PLB1: variants seen among roughly 807,000 people sequenced by gnomAD.
PLB1 encodes phospholipase B1, membrane-associated.
A neutral mutation model predicts 227.4 loss-of-function variants in PLB1; 242 were observed. That is an observed-to-expected ratio of 1.06 (90% confidence interval 0.96 to 1.18). The LOEUF (loss-of-function observed/expected upper bound fraction) is 1.18. PLB1 is among the 50% of genes most tolerant of loss of function. The pLI is 0.00. For missense variants in PLB1, 1,858 were observed against 1,816.3 expected (o/e 1.02, Z -0.42); for synonymous variants, 757 against 682.2 (o/e 1.11, Z -1.71).
At chr2:28,631,986 T>TC in intron 54 of PLB1, 50 bp from the exon 55 acceptor site, 1 of 1,490,994 alleles carries the variant, frequency 6.7e-7, no homozygotes, top group Non-Finnish European at 9.4e-7. Context: ...CTGGACCCTG[T>TC]CTGTGCAGCC....
chr2:28,549,618 C>G (rs1341450495), intron 15 of PLB1, among the ~76,000 whole-genome samples: 2 of 151,912 alleles, frequency 1.3e-5, no homozygotes, highest in Non-Finnish European at 2.9e-5. Flanking sequence ...TCATTTAATG[C>G]TAGTCAAGTA....
Position 28,582,488 on chromosome 2 carries a change from C to A in PLB1, c.1716C>A (p.Cys572Ter). 1 of 1,608,280 alleles carries A rather than the reference C, an allele frequency of 6.2e-7. No individual in the cohort carries two copies. The highest frequency in any genetic ancestry group is 1.7e-5 in the Admixed American group (1 of 59,540). Residue 572 changes from cysteine (C) to a stop codon, truncating the protein, a stop_gained, in exon 25 of 58, where the codon TGC becomes TGA. Transcript: ENST00000327757. LOFTEE classifies it high-confidence loss of function. ...RELYQEKKVY[C>*]PRMILRSLCP... ...TGTACCAGGAGAAAAAAGTCTACTG[C>A]CCAAGGATGATCCTCAGGTCAGACA...
In PLB1 at chr2:28,501,170, C is replaced by T. The variant is rs1013831315; in HGVS notation, c.55+5001C>T. On this transcript the variant is annotated intron_variant, in intron 1 of 57. Coordinates refer to ENST00000327757, the MANE Select transcript of PLB1 (RefSeq NM_153021.5). ...GTTATCTTTAATTTAGGTAGAATTA[C>T]ACTTTTTCATCTCCTTCTTTCATTC... 4.6e-5 allele frequency among the ~76,000 whole-genome samples: 7 copies of T among 152,124 alleles called. No homozygotes were observed. The East Asian group carries it at 5.8e-4, about 13-fold the overall frequency.
chr2:28,507,303 T>C (rs1667742126), intron 1 of PLB1, among the ~76,000 whole-genome samples: 1 of 152,164 alleles, frequency 6.6e-6, no homozygotes, highest in African/African-American at 2.4e-5. Context: ...TCATTTATAA[T>C]GAACAGAAAT....
At chr2:28,514,658 C>T (rs1490875584) in intron 1 of PLB1, among the ~76,000 whole-genome samples, 1 of 152,056 alleles carries the variant, frequency 6.6e-6, no homozygotes, top group East Asian at 1.9e-4. Flanking sequence ...TGAGTAAAAT[C>T]TAAAATATTG....
intron 56 of PLB1, among the ~76,000 whole-genome samples, chr2:28,640,498 C>T (rs1689844377): frequency 6.6e-6 from 1 of 152,232 alleles, no homozygotes; most frequent in Admixed American, 6.5e-5. Flanking sequence ...CTAAGGTTGA[C>T]TAGCCCCATG....
At chr2:28,532,282 C>A in intron 9 of PLB1, 88 bp downstream of exon 9, 1 of 1,071,118 alleles carries the variant, frequency 9.3e-7, no homozygotes, top group Non-Finnish European at 1.4e-6. Flanking sequence ...CAATCCCCAG[C>A]TGTCAGGATG....
chr2:28,633,383 T>C (rs1688915246), intron 56 of PLB1: 1 of 262,750 alleles, frequency 3.8e-6, no homozygotes, highest in Non-Finnish European at 7.3e-6. Context: ...AAACGATCTC[T>C]CTGGCCACCT....
chr2:28,538,159 A>C (rs1395669178), intron 9 of PLB1, 160 bp from the exon 10 acceptor site: 2 of 839,334 alleles, frequency 2.4e-6, no homozygotes, highest in African/African-American at 3.4e-5. Context: ...CAAAACTAGG[A>C]AGCTCTGGGA....
chr2:28,633,255 C>T, intron 56 of PLB1: 1 of 536,850 alleles, frequency 1.9e-6, no homozygotes, highest in Non-Finnish European at 3.3e-6. Context: ...CACACTCACA[C>T]AACTTTATTC....
chr2:28,568,519 A>T (rs941850693), intron 20 of PLB1, among the ~76,000 whole-genome samples: 1 of 152,196 alleles, frequency 6.6e-6, no homozygotes, highest in African/African-American at 2.4e-5. Flanking sequence ...AACTATATGG[A>T]AACGTGTTAG....
rs777805076 is a variant in PLB1 at position 28,602,801 on chromosome 2, A to G, written c.2674-20A>G. 2 of 1,609,006 alleles carry G rather than the reference A, an allele frequency of 1.2e-6. No homozygotes were observed. The highest frequency in any genetic ancestry group is 2.2e-5 in the South Asian group (2 of 90,984). On this transcript the variant is annotated intron_variant, in intron 38 of 57. Coordinates refer to ENST00000327757, the MANE Select transcript of PLB1 (RefSeq NM_153021.5). ...AAGAAGTGCCTGGAGCCCCCCTCTC[A>G]TCTGCAGCTTTTCCCTTAGGTGCCC...
chr2:28,548,765 A>G (rs1673711684), intron 14 of PLB1, 95 bp from the exon 15 acceptor site: 2 of 1,184,780 alleles, frequency 1.7e-6, no homozygotes, highest in South Asian at 1.3e-5. Context: ...GTTCCCTGGT[A>G]CTGCTGCTGG....
chr2:28,581,171 C>T (rs1437144432), intron 23 of PLB1, among the ~76,000 whole-genome samples: 1 of 151,870 alleles, frequency 6.6e-6, no homozygotes, highest in East Asian at 1.9e-4. Flanking sequence ...CCGCAAATAT[C>T]GAGATCAGGA....
At position 28,596,911 on chromosome 2, in the gene PLB1, T is replaced by C. The variant is rs536133439; in HGVS notation, c.2322-1094T>C. Among the ~76,000 whole-genome samples, 5 of 152,360 alleles carry C rather than the reference T, an allele frequency of 3.3e-5. No individual in the cohort carries two copies. The South Asian group carries it at 6.2e-4, about 19-fold the overall frequency. On this transcript the variant is annotated intron_variant, in intron 33 of 57. Coordinates refer to ENST00000327757, the MANE Select transcript of PLB1 (RefSeq NM_153021.5). ...TTGAATGAAGAACAACTATGACTCATGGCCTGTCCCTTAGAAGTCTTTGCT... is the reference window on the plus strand; with the variant it reads ...TTGAATGAAGAACAACTATGACTCACGGCCTGTCCCTTAGAAGTCTTTGCT...
At chr2:28,598,075 T>C (rs368580357) in intron 34 of PLB1, 27 bp downstream of exon 34, 76 of 1,598,630 alleles carry the variant, frequency 4.8e-5, no homozygotes, top group Non-Finnish European at 6.2e-5. Context: ...GGCTTGAATC[T>C]GTCTACTGTT....
At position 28,567,208 on chromosome 2, in the gene PLB1, A is replaced by T. The variant is rs1049040983; in HGVS notation, c.1324+369A>T. Among the ~76,000 whole-genome samples the T allele has an allele frequency of 6.0e-5, 9 of 149,988 alleles. No homozygotes were observed. The East Asian group carries it at 1.7e-3, about 29-fold the overall frequency. ...AGAGAGAATAAAGAAAAGTGATTCA[A>T]GAAAAAAGAAAAAGAAACCCGGTTG... On this transcript the variant is annotated intron_variant, in intron 20 of 57. Coordinates refer to ENST00000327757, the MANE Select transcript of PLB1 (RefSeq NM_153021.5).
At chr2:28,503,172 G>A (rs1039616623) in intron 1 of PLB1, among the ~76,000 whole-genome samples, 6 of 149,144 alleles carry the variant, frequency 4.0e-5, no homozygotes, top group Non-Finnish European at 5.9e-5. Context: ...TTTATTTTTT[G>A]AGAAAGGTCT....
chr2:28,600,138 G>A (rs1683635287), intron 35 of PLB1, among the ~76,000 whole-genome samples: 1 of 151,824 alleles, frequency 6.6e-6, no homozygotes, highest in African/African-American at 2.4e-5. Flanking sequence ...TCAACCTCCT[G>A]GACTCAAGCA....
Sources: allele counts gnomAD v4.1 joint callset (sites outside exome capture counted in the v4.1 genomes callset), GRCh38; gene constraint gnomAD v4.1.1; transcripts MANE v1.5; gene names NCBI Gene and HGNC (gene_info 2026-07-23, HGNC 2026-07-21).